Variants in FLYWCH1 observed in about 807,000 individuals in gnomAD.
The protein encoded by FLYWCH1 is FLYWCH-type zinc finger-containing protein 1.
FLYWCH1 carries 75 observed loss-of-function variants against 66.4 expected under a neutral mutation model. The observed-to-expected ratio is 1.13, with a 90% confidence interval of 0.94 to 1.37. The LOEUF (loss-of-function observed/expected upper bound fraction) is 1.37. Among genes scored for constraint, FLYWCH1 ranks in the 40% most tolerant of loss-of-function variants. The pLI is 0.00. For missense variants in FLYWCH1, 1,334 were observed against 1,001.8 expected, an observed-to-expected ratio of 1.33 and a Z score of -4.48; for synonymous variants, 595 against 429.9, an observed-to-expected ratio of 1.38 and a Z score of -4.75.
At chr16:2,933,099 G>GGTGA (rs1567335864) in intron 4 of FLYWCH1, 31 bp from the exon 5 acceptor site, 2 of 1,590,742 alleles carry the variant, frequency 1.3e-6, no homozygotes, top group South Asian at 2.3e-5. Flanking sequence ...CTCCACCCCT[G>GGTGA]GTGATGTGAC....
chr16:2,936,441 G>C (rs1467827314), intron 6 of FLYWCH1: 2 of 452,682 alleles, frequency 4.4e-6, no homozygotes, highest in East Asian at 7.0e-5. Flanking sequence ...TCCACAGCCA[G>C]ACACCCTCCC....
chr16:2,946,542 C>G (rs1429125291), intron 9 of FLYWCH1, among the ~76,000 whole-genome samples: 1 of 151,882 alleles, frequency 6.6e-6, no homozygotes, highest in African/African-American at 2.4e-5. Context: ...AGGCTGGTCT[C>G]GTACTCTTGA....
At chr16:2,923,352 T>G (rs964027914) in intron 2 of FLYWCH1, 1 of 163,484 alleles carries the variant, frequency 6.1e-6, no homozygotes, top group Non-Finnish European at 1.3e-5. Context: ...GTTCAAGCGA[T>G]TCTCCTGCCT....
At chr16:2,940,299 C>T (rs1462842961) in intron 9 of FLYWCH1, 4 of 520,448 alleles carry the variant, frequency 7.7e-6, no homozygotes, top group Non-Finnish European at 1.4e-5. Context: ...AGGCCCTGCT[C>T]CTCACCATAG....
chr16:2,939,357 G>A (rs2071162384), intron 8 of FLYWCH1, among the ~76,000 whole-genome samples: 1 of 152,228 alleles, frequency 6.6e-6, no homozygotes, highest in Admixed American at 6.5e-5. Flanking sequence ...AGCTGCTTGG[G>A]AGGCAGGAGA....
chr16:2,930,762 G>A lies in FLYWCH1; in HGVS notation c.678G>A (p.Glu226=), dbSNP rs1368270135. 6.3e-7 allele frequency: 1 copy of A among 1,576,310 alleles called. No homozygotes were observed. The highest frequency in any genetic ancestry group is 8.6e-7 in the Non-Finnish European group (1 of 1,166,492). Residue 226 remains glutamate (E), a synonymous_variant, in exon 4 of 10, where the codon GAG becomes GAA. Transcript: ENST00000253928. ...LEGVGPWQCP[E]EPEPTPGLVL... is the part of the protein sequence containing the mutation. ...GGGTGGGCCCGTGGCAGTGCCCTGA[G>A]GAGCCCGAGCCCACTCCTGGGCTGG...
chr16:2,923,165 A>G (rs2070438618), intron 2 of FLYWCH1: 4 of 370,138 alleles, frequency 1.1e-5, no homozygotes, highest in Admixed American at 3.4e-5. Context: ...CTTGGCCTTT[A>G]AAGCCTTTGC....
chr16:2,933,477 A>C lies in FLYWCH1; in HGVS notation c.1144A>C (p.Thr382Pro), dbSNP rs1035056179. Residue 382 changes from threonine (T) to proline (P), a missense_variant, in exon 5 of 10, where the codon ACT becomes CCT. Physicochemically the swap from Thr to Pro is conservative, Grantham distance 38. Transcript: ENST00000253928. Reference sequence around the variant, plus strand: ...CTACCGCAGGGGTCCGGGTCCCCTGACTCTCACCAGGCCTCGGCCCAGAAA... The same window carrying C: ...CTACCGCAGGGGTCCGGGTCCCCTGCCTCTCACCAGGCCTCGGCCCAGAAA... The part of the protein sequence containing the change: ...LLYRRGPGPL[T>P]LTRPRPRKRA... The C allele has an allele frequency of 6.2e-7, 1 of 1,605,490 alleles. No individual in the cohort carries two copies. The highest frequency in any genetic ancestry group is 8.5e-7 in the Non-Finnish European group (1 of 1,176,636).
chr16:2,922,190 G>C (rs904634110), intron 2 of FLYWCH1: 2 of 151,996 alleles, frequency 1.3e-5, no homozygotes, highest in African/African-American at 4.8e-5. Flanking sequence ...ATAATGTTAG[G>C]GAAATGGGGT....
At position 2,933,923 on chromosome 16, in the gene FLYWCH1, T is replaced by C; in HGVS notation, c.1457T>C (p.Leu486Pro). 1 of 1,570,898 alleles carries C rather than the reference T, an allele frequency of 6.4e-7. No individual in the cohort carries two copies. The highest frequency in any genetic ancestry group is 8.6e-7 in the Non-Finnish European group (1 of 1,158,386). Residue 486 changes from leucine (L) to proline (P), a missense_variant, in exon 6 of 10, where the codon CTG (leucine) becomes CCG (proline). By Grantham distance (98) the Leu-to-Pro change is moderately conservative. Transcript: ENST00000253928. ...GHCHPPDLGG[L>P]EALRQREKRP... ...TGCCACCCGCCCGACCTGGGAGGCC[T>C]GGAGGCCCTGAGGCAGCGGGAGAAA...
At position 2,933,750 on chromosome 16, in the gene FLYWCH1, C is replaced by T; in HGVS notation, c.1284C>T (p.Gly428=). Residue 428 remains glycine (G), a synonymous_variant, in exon 6 of 10, where the codon GGC becomes GGT. Transcript: ENST00000253928. ...GPEFLKTPLG[G]SFLVYESFLY... is the part of the protein sequence containing the mutation. The stretch of plus-strand genomic sequence containing the variant: ...AGTTCCTGAAGACGCCCCTGGGGGG[C>T]AGCTTCCTGGTGTACGAGTCCTTCC... 6.2e-7 allele frequency: 1 copy of T among 1,613,288 alleles called. No homozygotes were observed. Among genetic ancestry groups the T allele is most frequent in the Non-Finnish European group, 8.5e-7 (1 of 1,179,630 alleles).
chr16:2,930,560 C>T lies in FLYWCH1; in HGVS notation c.476C>T (p.Ala159Val). The change falls in exon 4 of 10, where the codon GCC becomes GTC. Residue 159 changes from alanine to valine, a missense_variant. Physicochemically the swap from Ala to Val is moderately conservative, Grantham distance 64 (BLOSUM62 0). Transcript: ENST00000253928. ...QHAELGCRGR[A>V]ITRGLRATVM... ...GCTGAGCTGGGCTGCCGGGGCCGGG[C>T]CATCACCCGAGGCCTGCGGGCCACA... 1 of 1,553,616 alleles carries T rather than the reference C, an allele frequency of 6.4e-7. No homozygotes were observed. The highest frequency in any genetic ancestry group is 8.7e-7 in the Non-Finnish European group (1 of 1,152,206).
intron 9 of FLYWCH1, among the ~76,000 whole-genome samples, chr16:2,945,530 C>T (rs2071443038): frequency 6.8e-6 from 1 of 147,832 alleles, no homozygotes; most frequent in African/African-American, 2.5e-5. Flanking sequence ...GTGGCACACA[C>T]CTGTAATCCC....
At chr16:2,918,584 G>T (rs774355127) in intron 2 of FLYWCH1, among the ~76,000 whole-genome samples, 3 of 151,738 alleles carry the variant, frequency 2.0e-5, no homozygotes, top group Non-Finnish European at 4.4e-5. Context: ...GGGATTACAG[G>T]CATGCACCAA....
chr16:2,943,484 C>G (rs559024649), intron 9 of FLYWCH1: 1 of 151,286 alleles, frequency 6.6e-6, no homozygotes, highest in Admixed American at 6.6e-5. Context: ...GATGGGGATG[C>G]CTGCATACCA....
chr16:2,937,402 T>G lies in FLYWCH1; in HGVS notation c.1777+18T>G. The G allele has an allele frequency of 6.6e-7, 1 of 1,519,496 alleles. No individual in the cohort carries two copies. Among genetic ancestry groups the G allele is most frequent in the Non-Finnish European group, 8.8e-7 (1 of 1,137,668 alleles). 94.1% of individuals were successfully genotyped at this position (1,519,496 alleles called of 1,614,324 possible). A position where few individuals can be genotyped will look rare whatever the true frequency, so the allele number is the denominator to read the frequency against. ...CAGCCCAGGTGCGTGTGGAGGGTGCTGGGCTGGGTCTGCCTGGTCTCCCAG... is the reference window on the plus strand; with the variant it reads ...CAGCCCAGGTGCGTGTGGAGGGTGCGGGGCTGGGTCTGCCTGGTCTCCCAG... On this transcript the variant is annotated intron_variant, in intron 7 of 9. Coordinates refer to ENST00000253928, the MANE Select transcript of FLYWCH1 (RefSeq NM_001308068.2).
intron 7 of FLYWCH1, 101 bp downstream of exon 7, chr16:2,937,485 G>C: frequency 3.0e-6 from 4 of 1,355,250 alleles, no homozygotes; most frequent in Non-Finnish European, 3.8e-6. Flanking sequence ...TGTTGTGCAT[G>C]GTGGTCTGAC....
chr16:2,922,636 G>C (rs2070414442), intron 2 of FLYWCH1: 1 of 417,788 alleles, frequency 2.4e-6, no homozygotes, highest in Admixed American at 2.8e-5. Context: ...CATATATTTA[G>C]AATTAGCCAG....
intron 4 of FLYWCH1, among the ~76,000 whole-genome samples, chr16:2,932,162 TC>T (rs2070785694): frequency 6.9e-6 from 1 of 145,202 alleles, no homozygotes; most frequent in Non-Finnish European, 1.5e-5. Context: ...GCGCCTGCAA[TC>T]CCAGTTACTC....
Sources: gnomAD v4.1 joint callset for allele counts (sites outside exome capture counted in the v4.1 genomes callset) on GRCh38, gnomAD v4.1.1 for gene constraint, MANE v1.5 for transcripts, NCBI Gene and HGNC (gene_info 2026-07-23, HGNC 2026-07-21) for gene names.